Variants in TBXAS1 observed in about 807,000 individuals in gnomAD.
TBXAS1 encodes the protein thromboxane A synthase 1.
TBXAS1 carries 48 observed loss-of-function variants against 60.7 expected under a neutral mutation model. The ratio of observed to expected loss-of-function variants is 0.79; its 90% CI spans 0.63 to 1.01. The LOEUF is 1.01. TBXAS1 is among the 50% of genes least tolerant of loss of function. The pLI is 0.00. For synonymous variants in TBXAS1, 287 were observed against 269.7 expected (o/e 1.06, Z -0.63); for missense variants, 685 against 686.3 (o/e 1.00, Z 0.02).
intron 1 of TBXAS1, among the ~76,000 whole-genome samples, chr7:139,850,249 A>G (rs1800118586): frequency 6.6e-6 from 1 of 152,254 alleles, no homozygotes; most frequent in South Asian, 2.1e-4. Context: ...CTTGCAATCC[A>G]GAATCAGCCA....
chr7:139,901,034 A>T (rs1804525118), intron 3 of TBXAS1, among the ~76,000 whole-genome samples: 1 of 152,188 alleles, frequency 6.6e-6, no homozygotes, highest in East Asian at 1.9e-4. Flanking sequence ...ATGGAATGCG[A>T]GGGTGGTTCC....
intron 9 of TBXAS1, among the ~76,000 whole-genome samples, chr7:139,974,663 C>A (rs539699490): frequency 6.6e-6 from 1 of 152,282 alleles, no homozygotes; most frequent in East Asian, 1.9e-4. Flanking sequence ...TAAGAATACA[C>A]GTGCAATGTT....
intron 4 of TBXAS1, among the ~76,000 whole-genome samples, chr7:139,919,349 G>T (rs1304804505): frequency 6.6e-6 from 1 of 152,130 alleles, no homozygotes; most frequent in Non-Finnish European, 1.5e-5. Context: ...CAGACTAGTT[G>T]GCATAAACAA....
chr7:139,823,934 G>A (rs1798369194), intron 4 of TBXAS1, among the ~76,000 whole-genome samples: 1 of 152,152 alleles, frequency 6.6e-6, no homozygotes, highest in South Asian at 2.1e-4. Context: ...CATCCTTCAT[G>A]GCAAAGAGAA....
At chr7:139,993,853 CTT>C (rs1813099025) in intron 9 of TBXAS1, among the ~76,000 whole-genome samples, 1 of 148,214 alleles carries the variant, frequency 6.7e-6, no homozygotes. Context: ...TTGAACTGCT[CTT>C]TGTTTGCTTT....
chr7:139,980,117 G>A (rs117031039), intron 9 of TBXAS1, among the ~76,000 whole-genome samples: 4,367 of 152,160 alleles, frequency 0.029, 97 homozygotes, highest in South Asian at 0.047. Context: ...AGGCCTGTGC[G>A]GGTCCTCAGA....
At chr7:139,814,480 C>T (rs1215736864) in intron 4 of TBXAS1, among the ~76,000 whole-genome samples, 3 of 152,114 alleles carry the variant, frequency 2.0e-5, no homozygotes, top group Admixed American at 6.5e-5. Context: ...AGTGGACACT[C>T]AACATGACTT....
chr7:139,905,011 CTT>C (rs1283239487), intron 3 of TBXAS1, among the ~76,000 whole-genome samples: 56 of 66,036 alleles, frequency 8.5e-4, no homozygotes, highest in Admixed American at 3.3e-3. Context: ...TTCTCTCTTT[CTT>C]TCTTTCTTTC....
At chr7:139,913,328 G>A (rs1805689960) in intron 4 of TBXAS1, 2 of 578,578 alleles carry the variant, frequency 3.5e-6, no homozygotes, top group Non-Finnish European at 6.3e-6. Flanking sequence ...ATCAGCCTCA[G>A]CAAGGAGTGC....
At chr7:139,905,721 A>C (rs1805023930) in intron 3 of TBXAS1, among the ~76,000 whole-genome samples, 1 of 152,182 alleles carries the variant, frequency 6.6e-6, no homozygotes, top group African/African-American at 2.4e-5. Flanking sequence ...GTCTGGTAGA[A>C]TTCTGCTGTG....
At chr7:139,869,942 C>A (rs949803409) in intron 1 of TBXAS1, among the ~76,000 whole-genome samples, 39 of 152,116 alleles carry the variant, frequency 2.6e-4, no homozygotes, top group Admixed American at 1.7e-3. Flanking sequence ...ACAAATGGAA[C>A]CCATGTTGCT....
In TBXAS1 at chr7:140,017,209, A is replaced by T. The variant is rs371253187; in HGVS notation, c.1365-462A>T. 3.0e-4 allele frequency among the ~76,000 whole-genome samples: 46 copies of T among 152,300 alleles called. 1 individual carries two copies. The South Asian group carries it at 9.1e-3, about 30-fold the overall frequency. ...GACCTGCAGGGCAAGCCAGCAGGAC[A>T]CGCCCCCCAGGGAGGGCCCAGGAGG... On this transcript the variant is annotated intron_variant, in intron 11 of 12. Transcript: ENST00000448866.
At chr7:139,928,329 T>C (rs1807050811) in intron 4 of TBXAS1, among the ~76,000 whole-genome samples, 1 of 152,264 alleles carries the variant, frequency 6.6e-6, no homozygotes, top group South Asian at 2.1e-4. Flanking sequence ...CACTTGGTCT[T>C]AATGAATTAT....
Position 139,875,636 on chromosome 7 carries a change from G to A in TBXAS1, c.235G>A (p.Gly79Arg), listed in dbSNP as rs766440684. The change falls in exon 3 of 13, where the codon GGG (glycine) becomes AGG (arginine). Residue 79 changes from glycine (G) to arginine (R), a missense_variant and splice_region_variant. Physicochemically the swap from Gly to Arg is moderately radical, Grantham distance 125. Coordinates refer to ENST00000448866, the MANE Select transcript of TBXAS1 (RefSeq NM_001061.7). ...ELRKLYGPLC[G>R]YYLGRRMFIV... ...CAGAAAGCTGTATGGACCTCTGTGT[G>A]GGTAAGAAGGAAACTCAACGTTTCT... is the stretch of plus-strand genomic sequence containing the variant. 2 of 1,611,346 alleles carry A rather than the reference G, an allele frequency of 1.2e-6. No individual in the cohort carries two copies. The highest frequency in any genetic ancestry group is 1.7e-6 in the Non-Finnish European group (2 of 1,180,004).
chr7:139,818,459 C>T (rs1199562534), intron 4 of TBXAS1, among the ~76,000 whole-genome samples: 4 of 152,150 alleles, frequency 2.6e-5, no homozygotes, highest in Admixed American at 2.6e-4. Context: ...GATCCACCTG[C>T]TTTGGCCTCC....
At chr7:139,897,248 C>A (rs1386639305) in intron 3 of TBXAS1, among the ~76,000 whole-genome samples, 1 of 149,734 alleles carries the variant, frequency 6.7e-6, no homozygotes, top group Non-Finnish European at 1.5e-5. Context: ...CCAGGCAAGG[C>A]AGGGGGAACA....
At chr7:139,836,613 T>C (rs193210316) in intron 1 of TBXAS1, among the ~76,000 whole-genome samples, 1 of 152,326 alleles carries the variant, frequency 6.6e-6, no homozygotes, top group Non-Finnish European at 1.5e-5. Flanking sequence ...GCTAGCCACA[T>C]GTAGGAGAAT....
intron 1 of TBXAS1, among the ~76,000 whole-genome samples, chr7:139,867,346 T>C (rs1165249108): frequency 2.0e-5 from 3 of 152,196 alleles, no homozygotes; most frequent in African/African-American, 7.2e-5. Context: ...GCTGGACCCT[T>C]CTCCTGCACA....
chr7:139,859,264 T>G (rs1376418961), intron 1 of TBXAS1, among the ~76,000 whole-genome samples: 15 of 150,022 alleles, frequency 1.0e-4, no homozygotes, highest in Non-Finnish European at 3.0e-5. Flanking sequence ...TGGAGTGCAG[T>G]GGCATGATCT....
Sources: gnomAD v4.1 joint callset for allele counts (sites outside exome capture counted in the v4.1 genomes callset) on GRCh38, gnomAD v4.1.1 for gene constraint, MANE v1.5 for transcripts, NCBI Gene and HGNC (gene_info 2026-07-23, HGNC 2026-07-21) for gene names.